DLG5: variants seen among roughly 807,000 people sequenced by gnomAD.
DLG5 encodes disks large homolog 5.
DLG5 carries 48 observed loss-of-function variants against 189.8 expected under a neutral mutation model. That is an observed-to-expected ratio of 0.25 (90% confidence interval 0.20 to 0.32). The LOEUF (loss-of-function observed/expected upper bound fraction) is 0.32, where lower values mean the gene tolerates loss of function less well. Among genes scored for constraint, DLG5 ranks in the 10% least tolerant of loss-of-function variants. The pLI is 1.00. For missense variants in DLG5, 2,160 were observed against 2,544.7 expected (o/e 0.85, Z 3.25); for synonymous variants, 1,016 against 1,054.1 (o/e 0.96, Z 0.70).
chr10:77,894,616 A>G (rs1299646717), intron 1 of DLG5, among the ~76,000 whole-genome samples: 2 of 146,382 alleles, frequency 1.4e-5, no homozygotes, highest in South Asian at 2.1e-4. Flanking sequence ...TCTTTTAAAC[A>G]CAGAGGATGG....
rs372072459 is a variant in DLG5, at chr10:77,812,086, G to C, written c.4189-29C>G. ...GGGAAACACCAGGATGGGCTCAGTG[G>C]GGGGGTCGGGGCTGTGGACAGGGAG... On this transcript the variant is annotated intron_variant, in intron 21 of 31. Coordinates refer to ENST00000372391, the MANE Select transcript of DLG5 (RefSeq NM_004747.4). 221 of 1,606,154 alleles carry C rather than the reference G, an allele frequency of 1.4e-4. 3 individuals carry two copies. Among genetic ancestry groups the C allele is most frequent in the African/African-American group, 7.2e-4 (54 of 75,026 alleles).
At chr10:77,832,766 AC>A (rs1272662420) in intron 9 of DLG5, among the ~76,000 whole-genome samples, 1 of 152,200 alleles carries the variant, frequency 6.6e-6, no homozygotes, top group African/African-American at 2.4e-5. Context: ...TCCCATGTTC[AC>A]GGCCAGAGAT....
chr10:77,807,993 G>C (rs756049450), intron 24 of DLG5, 49 bp from the exon 25 acceptor site: 1 of 1,609,750 alleles, frequency 6.2e-7, no homozygotes, highest in Non-Finnish European at 8.5e-7. Flanking sequence ...CCAGGGGGCA[G>C]CTTGGGCACC....
In DLG5 at chr10:77,819,431, A is replaced by C; in HGVS notation, c.3561T>G (p.Thr1187=). ...TGGGGTTCCGCAGGATGGAGCTCACAGTGGTGCTGGGGGTCAAACTCCGGG... is the reference window on the plus strand; with the variant it reads ...TGGGGTTCCGCAGGATGGAGCTCACCGTGGTGCTGGGGGTCAAACTCCGGG... ...TVPRSLTPST[T]VSSILRNPIY... Residue 1187 remains threonine, a synonymous_variant, in exon 17 of 32, where the codon ACT becomes ACG. Transcript: ENST00000372391. The C allele has an allele frequency of 6.2e-7, 1 of 1,613,888 alleles. No homozygotes were observed. Among genetic ancestry groups the C allele is most frequent in the South Asian group, 1.1e-5 (1 of 91,054 alleles).
chr10:77,798,670 C>T (rs1841048504), intron 27 of DLG5, among the ~76,000 whole-genome samples: 3 of 152,198 alleles, frequency 2.0e-5, no homozygotes, highest in African/African-American at 4.8e-5. Context: ...CCTGGTGATT[C>T]GTCGTGGGCC....
intron 17 of DLG5, among the ~76,000 whole-genome samples, chr10:77,818,931 A>T (rs1236559675): frequency 2.0e-5 from 3 of 152,228 alleles, no homozygotes; most frequent in Non-Finnish European, 4.4e-5. Flanking sequence ...CAAATGAATG[A>T]ATAAGAGTGG....
At position 77,792,523 on chromosome 10, in the gene DLG5, G is replaced by C. The variant is rs1840689068; in HGVS notation, c.5677C>G (p.Leu1893Val). The stretch of plus-strand genomic sequence containing the variant: ...AAGATCTGAGTGCAAATGCTTGACA[G>C]GGCTCCTCCCTGGATGACCCCTGCA... ...YFTGVIQGGA[L>V]SSICTQILAM... Residue 1893 changes from leucine to valine, a missense_variant, in exon 32 of 32, where the codon CTG becomes GTG. By Grantham distance (32) the Leu-to-Val change is conservative (BLOSUM62 1). Transcript: ENST00000372391. The C allele has an allele frequency of 6.2e-7, 1 of 1,614,164 alleles. No homozygotes were observed. The highest frequency in any genetic ancestry group is 8.5e-7 in the Non-Finnish European group (1 of 1,180,026).
chr10:77,858,992 C>T (rs1844366470), intron 2 of DLG5, among the ~76,000 whole-genome samples: 1 of 152,088 alleles, frequency 6.6e-6, no homozygotes, highest in Non-Finnish European at 1.5e-5. Context: ...CTCACCTCGG[C>T]CTCCTAAGTA....
At chr10:77,911,853 C>G (rs1470129140) in intron 1 of DLG5, among the ~76,000 whole-genome samples, 1 of 151,346 alleles carries the variant, frequency 6.6e-6, no homozygotes, top group Non-Finnish European at 1.5e-5. Flanking sequence ...ACGAACAGTT[C>G]TCTTATGCAA....
At chr10:77,890,086 GA>G (rs904500857) in intron 1 of DLG5, among the ~76,000 whole-genome samples, 20 of 151,822 alleles carry the variant, frequency 1.3e-4, no homozygotes, top group African/African-American at 4.8e-4. Context: ...GTTGCAAGAA[GA>G]AAAAAAATAC....
chr10:77,801,768 C>G (rs1326211073), intron 27 of DLG5, among the ~76,000 whole-genome samples: 4 of 152,324 alleles, frequency 2.6e-5, no homozygotes, highest in East Asian at 1.9e-4. Flanking sequence ...GACTTCTCAC[C>G]AGCAATGAGT....
Position 77,792,465 on chromosome 10 carries a change from A to G in DLG5, c.5735T>C (p.Leu1912Pro). The G allele has an allele frequency of 6.2e-7, 1 of 1,614,224 alleles. No individual in the cohort carries two copies. The highest frequency in any genetic ancestry group is 8.5e-7 in the Non-Finnish European group (1 of 1,180,032). ...CTAGAGCGGGCAGGCTGGAATCCAC[A>G]GGACTTTATTTTGTTCTTGATTGAC... ...AMVNQEQNKV[L>P]WIPACPL is the part of the protein sequence containing the mutation. The change falls in exon 32 of 32, where the codon CTG (leucine) becomes CCG (proline). Residue 1912 changes from leucine to proline, a missense_variant. By Grantham distance (98) the Leu-to-Pro change is moderately conservative (BLOSUM62 -3). Coordinates refer to ENST00000372391, the MANE Select transcript of DLG5 (RefSeq NM_004747.4).
At chr10:77,902,426 A>C (rs2154577918) in intron 1 of DLG5, among the ~76,000 whole-genome samples, 1 of 152,360 alleles carries the variant, frequency 6.6e-6, no homozygotes, top group East Asian at 1.9e-4. Context: ...GAGAAAATAA[A>C]GAAGCATACA....
chr10:77,814,461 T>TATATA (rs1841938538), intron 20 of DLG5, among the ~76,000 whole-genome samples: 6 of 70,700 alleles, frequency 8.5e-5, no homozygotes, highest in African/African-American at 3.8e-5. Flanking sequence ...TAAAGCATGT[T>TATATA]TATATATATA....
rs780379547 is a variant in DLG5 at position 77,809,654 on chromosome 10, C to T, written c.4540G>A (p.Val1514Met). 9 of 1,614,214 alleles carry T rather than the reference C, an allele frequency of 5.6e-6. No individual in the cohort carries two copies. In the East Asian group the frequency reaches 1.3e-4, roughly 24 times the overall value. Residue 1514 changes from valine to methionine, a missense_variant, in exon 24 of 32, where the codon GTG becomes ATG. Val to Met is a conservative substitution (Grantham distance 21). This residue lies in a region of DLG5 where 574 missense variants were observed against 644.2 expected (regional missense o/e 0.89). Coordinates refer to ENST00000372391, the MANE Select transcript of DLG5 (RefSeq NM_004747.4). ...FIKKSQLELG[V>M]HLCGGNLHGV... ...TGCAGGTTCCCACCACACAAGTGCA[C>T]CCCAAGCTCCAGCTGGGACTTTTTG...
chr10:77,834,156 C>A lies in DLG5; in HGVS notation c.1623-117G>T. The A allele has an allele frequency of 2.2e-6, 3 of 1,363,016 alleles. No individual in the cohort carries two copies. The South Asian group carries it at 4.4e-5, about 20-fold the overall frequency. The allele number at this position is 1,363,016 out of a possible 1,614,324, so 84.4% of individuals were successfully genotyped here. ...AATACCTGCCGGCACCTATCCCATCCCCAGATGCACAGGAACACTTGGGAA... is the reference window on the plus strand; with the variant it reads ...AATACCTGCCGGCACCTATCCCATCACCAGATGCACAGGAACACTTGGGAA... On this transcript the variant is annotated intron_variant, in intron 8 of 31. Transcript: ENST00000372391.
chr10:77,903,642 A>G (rs1434405177), intron 1 of DLG5, among the ~76,000 whole-genome samples: 7 of 152,004 alleles, frequency 4.6e-5, no homozygotes. Context: ...AAAAAAAAAA[A>G]AAAAAAAATC....
intron 1 of DLG5, among the ~76,000 whole-genome samples, chr10:77,915,550 T>C (rs1266178214): frequency 6.6e-6 from 1 of 152,224 alleles, no homozygotes; most frequent in African/African-American, 2.4e-5. Flanking sequence ...AAAGCCACTC[T>C]AGTGAAGCCC....
At chr10:77,801,288 A>C (rs1841191180) in intron 27 of DLG5, among the ~76,000 whole-genome samples, 1 of 152,180 alleles carries the variant, frequency 6.6e-6, no homozygotes, top group Admixed American at 6.5e-5. Context: ...CCAAGTGGAA[A>C]CTCTAGAGTG....
Sources: allele counts gnomAD v4.1 joint callset (sites outside exome capture counted in the v4.1 genomes callset), GRCh38; gene constraint gnomAD v4.1.1; regional missense constraint gnomAD v4.1.1; transcripts MANE v1.5; gene names NCBI Gene and HGNC (gene_info 2026-07-23, HGNC 2026-07-21).